The following SYT9 variants were observed in gnomAD, a reference collection of about 807,000 sequenced individuals.
SYT9 encodes synaptotagmin-9.
Under a neutral mutation model 48.4 loss-of-function variants are expected in SYT9, and 22 were observed. The ratio of observed to expected loss-of-function variants is 0.45; its 90% CI spans 0.32 to 0.65. SYT9 has a LOEUF of 0.65. Among genes scored for constraint, SYT9 ranks in the 30% least tolerant of loss-of-function variants. The probability of loss-of-function intolerance (pLI) is 0.03; values close to 1 mark genes in which losing one functional copy is unlikely to be tolerated. For synonymous variants in SYT9, 265 were observed against 245.0 expected (o/e 1.08, Z -0.76); for missense variants, 577 against 622.0 (o/e 0.93, Z 0.77).
intron 3 of SYT9, among the ~76,000 whole-genome samples, chr11:7,348,562 T>C (rs1849845299): frequency 6.6e-6 from 1 of 152,090 alleles, no homozygotes; most frequent in Admixed American, 6.6e-5. Flanking sequence ...ACTCCTCTCT[T>C]GTTAGCATTT....
chr11:7,392,332 A>G (rs1240896089), intron 3 of SYT9, among the ~76,000 whole-genome samples: 7 of 152,138 alleles, frequency 4.6e-5, no homozygotes, highest in Admixed American at 4.6e-4. Flanking sequence ...ATGGTTGTCA[A>G]GTTATTCTGA....
At chr11:7,280,003 T>C (rs1357010996) in intron 1 of SYT9, among the ~76,000 whole-genome samples, 10 of 152,154 alleles carry the variant, frequency 6.6e-5, no homozygotes, top group Non-Finnish European at 1.5e-5. Context: ...AGAAACTTAG[T>C]TCTACACAAT....
At chr11:7,312,257 T>C (rs566179504) in intron 2 of SYT9, among the ~76,000 whole-genome samples, 196 of 152,326 alleles carry the variant, frequency 1.3e-3, no homozygotes, top group African/African-American at 4.5e-3. Context: ...GGTCCCTTAA[T>C]TCCATTTTTA....
intron 3 of SYT9, among the ~76,000 whole-genome samples, chr11:7,388,251 C>T (rs1850698105): frequency 6.6e-6 from 1 of 152,034 alleles, no homozygotes; most frequent in Non-Finnish European, 1.5e-5. Flanking sequence ...AGAACTAGTC[C>T]ATTTAATCCA....
intron 3 of SYT9, among the ~76,000 whole-genome samples, chr11:7,350,787 A>G (rs1397162508): frequency 1.3e-5 from 2 of 152,224 alleles, no homozygotes; most frequent in Non-Finnish European, 2.9e-5. Context: ...GTGATGTAGA[A>G]AGAGAGAGAA....
intron 3 of SYT9, among the ~76,000 whole-genome samples, chr11:7,412,488 A>T (rs1186094170): frequency 6.6e-6 from 1 of 152,182 alleles, no homozygotes; most frequent in East Asian, 1.9e-4. Flanking sequence ...TTGATAGCTT[A>T]GGGTGTGGTT....
chr11:7,364,160 A>G (rs1229408808), intron 3 of SYT9, among the ~76,000 whole-genome samples: 1 of 152,178 alleles, frequency 6.6e-6, no homozygotes, highest in Non-Finnish European at 1.5e-5. Flanking sequence ...ATCCTACTTG[A>G]TAGGATGAGA....
chr11:7,454,131 AC>A lies in SYT9; in HGVS notation c.1468-12659del, dbSNP rs1432189048. ...GTCACTTTTCTTTCCTTTCCTTGCTACCTACCTGATTTCCAGCCCTTGATGA... is the reference window on the plus strand; with the variant it reads ...GTCACTTTTCTTTCCTTTCCTTGCTACTACCTGATTTCCAGCCCTTGATGA... On this transcript the variant is annotated intron_variant, in intron 6 of 6. Coordinates refer to ENST00000318881, the MANE Select transcript of SYT9 (RefSeq NM_175733.4). 7 of 984,960 alleles carry A rather than the reference AC, an allele frequency of 7.1e-6. No individual in the cohort carries two copies. In the African/African-American group the frequency reaches 1.2e-4, roughly 17 times the overall value. 61.0% of individuals were successfully genotyped at this position (984,960 alleles called of 1,614,324 possible).
intron 3 of SYT9, among the ~76,000 whole-genome samples, chr11:7,411,613 G>T (rs1847137861): frequency 6.6e-6 from 1 of 152,088 alleles, no homozygotes; most frequent in Non-Finnish European, 1.5e-5. Flanking sequence ...CTTTATAGGT[G>T]ACTAGACACT....
At chr11:7,255,161 A>G (rs776631205) in intron 1 of SYT9, among the ~76,000 whole-genome samples, 3 of 152,210 alleles carry the variant, frequency 2.0e-5, no homozygotes, top group Non-Finnish European at 4.4e-5. Flanking sequence ...ATGGTGTTTT[A>G]TATGTTAATG....
chr11:7,404,774 G>A (rs986360750), intron 3 of SYT9, among the ~76,000 whole-genome samples: 3 of 152,082 alleles, frequency 2.0e-5, no homozygotes, highest in African/African-American at 7.2e-5. Context: ...AATTTCTGAA[G>A]GAAATTCATA....
At chr11:7,441,077 A>T (rs1847821915) in intron 6 of SYT9, 1 of 152,284 alleles carries the variant, frequency 6.6e-6, no homozygotes, top group Non-Finnish European at 1.5e-5. Context: ...GAACAAACAG[A>T]ATAACCCAGG....
chr11:7,397,460 G>T (rs1846777698), intron 3 of SYT9, among the ~76,000 whole-genome samples: 1 of 152,044 alleles, frequency 6.6e-6, no homozygotes, highest in Admixed American at 6.5e-5. Context: ...GTAGTGTTAA[G>T]TCTTCCCATT....
At chr11:7,272,215 A>C (rs1818497295) in intron 1 of SYT9, among the ~76,000 whole-genome samples, 1 of 152,152 alleles carries the variant, frequency 6.6e-6, no homozygotes, top group African/African-American at 2.4e-5. Context: ...TAAGGTCATG[A>C]CTTTGGGACA....
At chr11:7,426,312 A>G (rs1847457129) in intron 6 of SYT9, among the ~76,000 whole-genome samples, 1 of 152,098 alleles carries the variant, frequency 6.6e-6, no homozygotes, top group African/African-American at 2.4e-5. Flanking sequence ...CTCAGCATAG[A>G]AACTTGGCCA....
intron 3 of SYT9, among the ~76,000 whole-genome samples, chr11:7,362,258 C>T (rs1322567693): frequency 6.6e-6 from 1 of 151,794 alleles, no homozygotes; most frequent in Non-Finnish European, 1.5e-5. Flanking sequence ...GATTCTCCTG[C>T]CTCAGCCTCC....
chr11:7,426,627 G>A lies in SYT9; in HGVS notation c.1467+5992G>A, dbSNP rs74624856. Among the ~76,000 whole-genome samples, 135 of 152,180 alleles carry A rather than the reference G, an allele frequency of 8.9e-4. No homozygotes were observed. The East Asian group carries it at 0.015, about 17-fold the overall frequency. On this transcript the variant is annotated intron_variant, in intron 6 of 6. Transcript: ENST00000318881. ...TAGCCTGTGTTGGCCCAGGGGTCAT[G>A]TTTGCCTTAAGCTTCCCCCTCAATC...
chr11:7,295,710 C>T (rs796755036), intron 1 of SYT9, among the ~76,000 whole-genome samples: 1 of 152,244 alleles, frequency 6.6e-6, no homozygotes, highest in African/African-American at 2.4e-5. Flanking sequence ...ACCCCCATTT[C>T]TTGGTATCAA....
chr11:7,411,331 A>G (rs564854395), intron 3 of SYT9, among the ~76,000 whole-genome samples: 22 of 152,154 alleles, frequency 1.4e-4, no homozygotes, highest in Admixed American at 1.4e-3. Flanking sequence ...TTGGTGTACC[A>G]GTGAGTTTTA....
Sources: allele counts gnomAD v4.1 joint callset (sites outside exome capture counted in the v4.1 genomes callset), GRCh38; gene constraint gnomAD v4.1.1; transcripts MANE v1.5; gene names NCBI Gene and HGNC (gene_info 2026-07-23, HGNC 2026-07-21).